FAM184A: variants seen among roughly 807,000 people sequenced by gnomAD.
FAM184A encodes protein FAM184A.
Under a neutral mutation model 143.8 loss-of-function variants are expected in FAM184A, and 99 were observed. That is an observed-to-expected ratio of 0.69 (90% CI 0.58 to 0.81). FAM184A has a LOEUF of 0.81. FAM184A is among the 40% of genes least tolerant of loss of function. The probability of loss-of-function intolerance (pLI) is 0.00; values close to 1 mark genes in which losing one functional copy is unlikely to be tolerated. For missense variants in FAM184A, 1,217 were observed against 1,310.5 expected (o/e 0.93, Z 1.10); for synonymous variants, 427 against 446.4 (o/e 0.96, Z 0.55).
chr6:119,001,790 A>T (rs552993711), intron 9 of FAM184A, among the ~76,000 whole-genome samples: 1 of 152,164 alleles, frequency 6.6e-6, no homozygotes, highest in Non-Finnish European at 1.5e-5. Context: ...TACGGGCAGA[A>T]TCTTACTACT....
intron 9 of FAM184A, among the ~76,000 whole-genome samples, chr6:118,998,102 T>G (rs967698789): frequency 2.0e-5 from 3 of 152,162 alleles, no homozygotes; most frequent in Non-Finnish European, 2.9e-5. Context: ...ATCTCCCCAG[T>G]CACCCACACC....
intron 1 of FAM184A, among the ~76,000 whole-genome samples, chr6:119,047,783 A>G (rs142745808): frequency 2.0e-5 from 3 of 152,338 alleles, no homozygotes; most frequent in African/African-American, 7.2e-5. Flanking sequence ...TTCACGGCCA[A>G]ATTCTACCAG....
At position 119,115,841 on chromosome 6, in the gene FAM184A, C is replaced by T. The variant is rs898579493; in HGVS notation, c.-202+33237G>A. ...AAAAATAGCCTGGTATGGTGGCACA[C>T]GCTTGTAGTCCCAGCTACTCGGGAG... On this transcript the variant is annotated intron_variant, in intron 1 of 16. Coordinates refer to the FAM184A transcript ENST00000352896. Among the ~76,000 whole-genome samples, 5 of 151,622 alleles carry T rather than the reference C, an allele frequency of 3.3e-5. No individual in the cohort carries two copies. In the East Asian group the frequency reaches 5.8e-4, roughly 18 times the overall value.
At chr6:119,112,025 T>C (rs1788946535) in intron 1 of FAM184A, among the ~76,000 whole-genome samples, 1 of 152,182 alleles carries the variant, frequency 6.6e-6, no homozygotes. Context: ...TAATCCCTGA[T>C]TGTACTTATT....
At chr6:119,119,025 C>G (rs753573009) in intron 1 of FAM184A, among the ~76,000 whole-genome samples, 2 of 152,160 alleles carry the variant, frequency 1.3e-5, no homozygotes, top group Non-Finnish European at 2.9e-5. Flanking sequence ...TTGGGTGCGG[C>G]TGTCTTCTAT....
chr6:119,018,199 T>A (rs532192707), intron 4 of FAM184A, among the ~76,000 whole-genome samples: 2 of 152,126 alleles, frequency 1.3e-5, no homozygotes, highest in Admixed American at 6.5e-5. Context: ...TGCGTGTGCA[T>A]GTGTGTGTGT....
At chr6:119,097,006 T>G (rs1031885224) in intron 1 of FAM184A, among the ~76,000 whole-genome samples, 1 of 152,036 alleles carries the variant, frequency 6.6e-6, no homozygotes, top group African/African-American at 2.4e-5. Flanking sequence ...TGATGAGAAA[T>G]GTAGTTAAGA....
At chr6:118,995,907 G>A (rs375124270) in intron 9 of FAM184A, among the ~76,000 whole-genome samples, 1 of 152,134 alleles carries the variant, frequency 6.6e-6, no homozygotes, top group Non-Finnish European at 1.5e-5. Context: ...TGAAGTCACC[G>A]ACTGTTCTGC....
intron 1 of FAM184A, among the ~76,000 whole-genome samples, chr6:119,041,417 C>T (rs553365716): frequency 3.9e-5 from 6 of 152,232 alleles, no homozygotes; most frequent in South Asian, 2.1e-4. Flanking sequence ...TAGTAAAGAG[C>T]GCTCACTAAA....
chr6:119,012,924 C>G (rs927608397), intron 5 of FAM184A, among the ~76,000 whole-genome samples: 1 of 152,130 alleles, frequency 6.6e-6, no homozygotes, highest in Non-Finnish European at 1.5e-5. Context: ...ATGGACAGTA[C>G]AATCCTTTTT....
chr6:119,042,193 G>A (rs529578582), intron 1 of FAM184A, among the ~76,000 whole-genome samples: 11 of 152,236 alleles, frequency 7.2e-5, no homozygotes, highest in Middle Eastern at 3.4e-3. Flanking sequence ...TGGTAAGATC[G>A]GTAAAGCCTG....
chr6:119,068,623 C>A (rs1032804647), intron 1 of FAM184A, among the ~76,000 whole-genome samples: 5 of 152,110 alleles, frequency 3.3e-5, no homozygotes, highest in African/African-American at 1.2e-4. Flanking sequence ...CACCTCTGAC[C>A]CATATGATGG....
At chr6:118,991,021 A>T (rs1226477860) in intron 9 of FAM184A, among the ~76,000 whole-genome samples, 5 of 152,168 alleles carry the variant, frequency 3.3e-5, no homozygotes, top group Non-Finnish European at 7.4e-5. Context: ...TATAAATTTT[A>T]TACATTTATT....
chr6:118,973,515 C>T (rs1396916014), intron 14 of FAM184A, among the ~76,000 whole-genome samples: 1 of 152,088 alleles, frequency 6.6e-6, no homozygotes, highest in Non-Finnish European at 1.5e-5. Context: ...GTTAAGTTTA[C>T]ATTTGACTTT....
intron 1 of FAM184A, among the ~76,000 whole-genome samples, chr6:119,086,649 C>G (rs909763554): frequency 6.6e-6 from 1 of 152,148 alleles, no homozygotes; most frequent in African/African-American, 2.4e-5. Flanking sequence ...GAACAGGTAT[C>G]AAGATTACTT....
intron 1 of FAM184A, among the ~76,000 whole-genome samples, chr6:119,095,312 G>T (rs1006484121): frequency 6.6e-6 from 1 of 152,188 alleles, no homozygotes; most frequent in Non-Finnish European, 1.5e-5. Flanking sequence ...AAAACGTGCT[G>T]AAGTCAGGAA....
intron 1 of FAM184A, among the ~76,000 whole-genome samples, chr6:119,128,684 C>T (rs530130825): frequency 6.6e-6 from 1 of 152,160 alleles, no homozygotes; most frequent in South Asian, 2.1e-4. Flanking sequence ...ACTGAGGCCC[C>T]CAGTTACAAT....
intron 1 of FAM184A, among the ~76,000 whole-genome samples, chr6:119,067,240 T>C (rs1326934129): frequency 6.6e-6 from 1 of 152,200 alleles, no homozygotes; most frequent in Admixed American, 6.5e-5. Flanking sequence ...CAGCCTCCAT[T>C]ATCCTTTCCA....
intron 7 of FAM184A, among the ~76,000 whole-genome samples, chr6:119,004,564 G>A (rs1474653083): frequency 1.3e-5 from 2 of 152,208 alleles, no homozygotes; most frequent in African/African-American, 2.4e-5. Flanking sequence ...ATTAAACGGA[G>A]TAGACTGCTT....
Sources: gnomAD v4.1 joint callset for allele counts (sites outside exome capture counted in the v4.1 genomes callset) on GRCh38, gnomAD v4.1.1 for gene constraint, MANE v1.5 for transcripts, NCBI Gene and HGNC (gene_info 2026-07-23, HGNC 2026-07-21) for gene names.